Variants in CNTNAP2 observed in about 807,000 individuals in gnomAD.
CNTNAP2 encodes contactin-associated protein-like 2.
CNTNAP2 carries 98 observed loss-of-function variants against 155.2 expected under a neutral mutation model. That is an observed-to-expected ratio of 0.63 (90% CI 0.54 to 0.75). The LOEUF (loss-of-function observed/expected upper bound fraction) is 0.75. CNTNAP2 is among the 30% of genes least tolerant of loss of function. The pLI is 0.00. For synonymous variants in CNTNAP2, 651 were observed against 631.2 expected (o/e 1.03, Z -0.47); for missense variants, 1,727 against 1,688.1 (o/e 1.02, Z -0.40).
At chr7:147,386,223 G>A (rs947801556) in intron 9 of CNTNAP2, among the ~76,000 whole-genome samples, 7 of 152,058 alleles carry the variant, frequency 4.6e-5, no homozygotes, top group African/African-American at 7.2e-5. Context: ...AGGGGCTGCC[G>A]CAAAGTTCTG....
intron 1 of CNTNAP2, among the ~76,000 whole-genome samples, chr7:146,308,801 G>A (rs1399378896): frequency 6.6e-6 from 1 of 151,974 alleles, no homozygotes; most frequent in African/African-American, 2.4e-5. Flanking sequence ...CACACGGCGG[G>A]GAACATCACA....
chr7:146,163,859 G>T (rs188138711), intron 1 of CNTNAP2, among the ~76,000 whole-genome samples: 1 of 152,200 alleles, frequency 6.6e-6, no homozygotes, highest in African/African-American at 2.4e-5. Context: ...TCTTTTGAAG[G>T]TTTATAATTG....
At chr7:148,344,997 G>A (rs1798296503) in intron 21 of CNTNAP2, among the ~76,000 whole-genome samples, 1 of 152,210 alleles carries the variant, frequency 6.6e-6, no homozygotes, top group African/African-American at 2.4e-5. Flanking sequence ...CCCGAGTGGT[G>A]GAGCCATGGC....
rs542841647 is a variant in CNTNAP2 at position 146,239,231 on chromosome 7, T to C, written c.97+122258T>C. 9.2e-5 allele frequency among the ~76,000 whole-genome samples: 14 copies of C among 152,296 alleles called. No individual in the cohort carries two copies. In the South Asian group the frequency reaches 1.7e-3, roughly 18 times the overall value. On this transcript the variant is annotated intron_variant, in intron 1 of 23. Transcript: ENST00000361727. ...CCAGTGGCATTTTCCCCCCTGATGT[T>C]ATTTTTCTGCAGCTCCGGCTTTGTA... is the stretch of plus-strand genomic sequence containing the variant.
chr7:147,977,770 A>G, intron 14 of CNTNAP2, 92 bp from the exon 15 acceptor site: 1 of 1,544,712 alleles, frequency 6.5e-7, no homozygotes, highest in Non-Finnish European at 8.9e-7. Context: ...GATTACTGAA[A>G]TGTCATCATT....
At position 146,702,251 on chromosome 7, in the gene CNTNAP2, T is replaced by C. The variant is rs141651411; in HGVS notation, c.98-72020T>C. Among the ~76,000 whole-genome samples the C allele has an allele frequency of 3.5e-3, 534 of 152,290 alleles. 1 individual carries two copies. The highest frequency in any genetic ancestry group is 0.012 in the African/African-American group (500 of 41,584). On this transcript the variant is annotated intron_variant, in intron 1 of 23. Transcript: ENST00000361727. ...AATTAGAAAAAATTAAGTAGTTTTA[T>C]TCTATTAAACGGGTATAGAATTGTG...
At chr7:146,608,715 T>A (rs1425957441) in intron 1 of CNTNAP2, among the ~76,000 whole-genome samples, 3 of 152,194 alleles carry the variant, frequency 2.0e-5, no homozygotes. Flanking sequence ...ATCAATTGTA[T>A]ATTTTTAAGG....
At chr7:148,168,731 C>G (rs919095858) in intron 17 of CNTNAP2, among the ~76,000 whole-genome samples, 6 of 152,158 alleles carry the variant, frequency 3.9e-5, no homozygotes, top group Non-Finnish European at 5.9e-5. Context: ...AGAAAAATAT[C>G]TCCATTCTTC....
At chr7:146,671,164 A>T (rs999353724) in intron 1 of CNTNAP2, among the ~76,000 whole-genome samples, 1 of 152,176 alleles carries the variant, frequency 6.6e-6, no homozygotes, top group African/African-American at 2.4e-5. Flanking sequence ...ACAAAACAAA[A>T]GTAACTGATT....
chr7:146,885,105 T>C (rs777872373), intron 3 of CNTNAP2, among the ~76,000 whole-genome samples: 2 of 152,174 alleles, frequency 1.3e-5, no homozygotes, highest in African/African-American at 2.4e-5. Context: ...TAACTACTTA[T>C]GTTTAGCCAA....
At chr7:148,371,005 C>T (rs558871086) in intron 21 of CNTNAP2, among the ~76,000 whole-genome samples, 1 of 152,264 alleles carries the variant, frequency 6.6e-6, no homozygotes, top group African/African-American at 2.4e-5. Flanking sequence ...TGCTTTCCTG[C>T]TCAAGATGCT....
chr7:146,565,899 A>G (rs756986025), intron 1 of CNTNAP2, among the ~76,000 whole-genome samples: 3 of 152,258 alleles, frequency 2.0e-5, no homozygotes, highest in Non-Finnish European at 2.9e-5. Context: ...GGATTATGGT[A>G]TATTTATCCC....
chr7:147,834,372 T>C (rs1265239364), intron 13 of CNTNAP2, among the ~76,000 whole-genome samples: 2 of 152,206 alleles, frequency 1.3e-5, no homozygotes, highest in Non-Finnish European at 1.5e-5. Flanking sequence ...AAAAGGACTA[T>C]TGCTCTTTTG....
At chr7:147,628,926 C>G (rs1795035722) in intron 12 of CNTNAP2, among the ~76,000 whole-genome samples, 1 of 149,762 alleles carries the variant, frequency 6.7e-6, no homozygotes, top group Non-Finnish European at 1.5e-5. Context: ...AAGAATTACT[C>G]CAACAGAAAA....
At chr7:148,263,825 A>T (rs1288577844) in intron 20 of CNTNAP2, among the ~76,000 whole-genome samples, 1 of 152,164 alleles carries the variant, frequency 6.6e-6, no homozygotes, top group African/African-American at 2.4e-5. Flanking sequence ...ACGCAGACAT[A>T]GGAAGGGAAT....
chr7:147,072,655 G>C (rs533196488), intron 4 of CNTNAP2, among the ~76,000 whole-genome samples: 14 of 152,176 alleles, frequency 9.2e-5, no homozygotes, highest in Non-Finnish European at 1.6e-4. Flanking sequence ...CATGTGGGCT[G>C]TGGTGGAAAA....
chr7:147,916,669 T>G (rs898730554), intron 14 of CNTNAP2, among the ~76,000 whole-genome samples: 19 of 143,328 alleles, frequency 1.3e-4, no homozygotes, highest in Non-Finnish European at 2.3e-4. Flanking sequence ...AGAGCTGTTA[T>G]GTTTTCTGAA....
At chr7:148,280,730 T>C (rs1191202511) in intron 21 of CNTNAP2, among the ~76,000 whole-genome samples, 1 of 151,848 alleles carries the variant, frequency 6.6e-6, no homozygotes, top group Non-Finnish European at 1.5e-5. Flanking sequence ...ACCAGCCTAG[T>C]CAACACGGCA....
chr7:147,158,182 T>A (rs185555405), intron 8 of CNTNAP2, among the ~76,000 whole-genome samples: 9 of 152,224 alleles, frequency 5.9e-5, no homozygotes, highest in Non-Finnish European at 2.9e-5. Flanking sequence ...ATTAAACATG[T>A]CAAAACAAAT....
Sources: gnomAD v4.1 joint callset for allele counts (sites outside exome capture counted in the v4.1 genomes callset) on GRCh38, gnomAD v4.1.1 for gene constraint, MANE v1.5 for transcripts, NCBI Gene and HGNC (gene_info 2026-07-23, HGNC 2026-07-21) for gene names.